Variants in HLA-DRA observed in about 807,000 individuals in gnomAD.
HLA-DRA encodes HLA class II histocompatibility antigen, DR alpha chain.
HLA-DRA carries 8 observed loss-of-function variants against 22.1 expected under a neutral mutation model. The observed-to-expected ratio is 0.36, with a 90% confidence interval of 0.21 to 0.65. The LOEUF is 0.65. Among genes scored for constraint, HLA-DRA ranks in the 30% least tolerant of loss-of-function variants. The probability of loss-of-function intolerance (pLI) is 0.63; values close to 1 mark genes in which losing one functional copy is unlikely to be tolerated. For missense variants in HLA-DRA, 248 were observed against 321.3 expected (o/e 0.77, Z 1.74); for synonymous variants, 101 against 117.1 (o/e 0.86, Z 0.89).
Position 32,442,597 on chromosome 6 carries a change from A to G in HLA-DRA, c.232A>G (p.Ser78Gly). 1.2e-6 allele frequency: 2 copies of G among 1,613,108 alleles called. No individual in the cohort carries two copies. The highest frequency in any genetic ancestry group is 1.7e-6 in the Non-Finnish European group (2 of 1,180,046). Residue 78 changes from serine to glycine, a missense_variant, in exon 2 of 5, where the codon AGC becomes GGC. Coordinates refer to ENST00000395388, the MANE Select transcript of HLA-DRA (RefSeq NM_019111.5). ...WRLEEFGRFASFEAQGALANI... is the reference protein window; with the variant it reads ...WRLEEFGRFAGFEAQGALANI... ...GCTTGAAGAATTTGGACGATTTGCC[A>G]GCTTTGAGGCTCAAGGTGCATTGGC...
At chr6:32,443,510 T>C (rs1256218125) in intron 3 of HLA-DRA, 44 bp downstream of exon 3, 2 of 1,547,712 alleles carry the variant, frequency 1.3e-6, no homozygotes, top group East Asian at 4.5e-5. Flanking sequence ...GGTTTCCTCC[T>C]ATGATGCTTG....
At chr6:32,440,386 A>C (rs1762542557) in intron 1 of HLA-DRA, among the ~76,000 whole-genome samples, 1 of 151,242 alleles carries the variant, frequency 6.6e-6, no homozygotes. Flanking sequence ...AAAATTAGTA[A>C]AATTAAAAAC....
At chr6:32,443,673 C>G in intron 3 of HLA-DRA, 83 bp from the exon 4 acceptor site, 4 of 1,349,896 alleles carry the variant, frequency 3.0e-6, no homozygotes, top group South Asian at 1.4e-5. Flanking sequence ...TAACTTTTCT[C>G]TTTATTAAGA....
At position 32,443,931 on chromosome 6, in the gene HLA-DRA, G is replaced by A. The variant is rs1396471188; in HGVS notation, c.*11+10G>A. The A allele has an allele frequency of 6.4e-7, 1 of 1,564,416 alleles. No homozygotes were observed. The highest frequency in any genetic ancestry group is 1.2e-5 in the South Asian group (1 of 80,610). ...TGTAAGGCACATGGAGGTGAGTTAG[G>A]TGTGGTCAGAGGAAGACGTATATGG... On this transcript the variant is annotated intron_variant, in intron 4 of 4. Transcript: ENST00000395388.
Position 32,443,482 on chromosome 6 carries a change from C to T in HLA-DRA, c.610+16C>T, listed in dbSNP as rs1330897270. On this transcript the variant is annotated intron_variant, in intron 3 of 4. Transcript: ENST00000395388. ...AAGCACTGGGGTATGGACCAACACT[C>T]AATCTCCTTTATTTCAAGGTTTCCT... is the stretch of plus-strand genomic sequence containing the variant. 6 of 1,604,422 alleles carry T rather than the reference C, an allele frequency of 3.7e-6. No individual in the cohort carries two copies. The highest frequency in any genetic ancestry group is 5.1e-6 in the Non-Finnish European group (6 of 1,172,968).
In HLA-DRA at chr6:32,444,794, A is replaced by T. The variant is rs7196; in HGVS notation, c.*154A>T. The T allele has an allele frequency of 0.77, 117,522 of 152,900 alleles. 45,328 individuals are homozygous for T. Among genetic ancestry groups the T allele is most frequent in the Middle Eastern group, 0.86 (893 of 1,040 alleles). 9.5% of individuals were successfully genotyped at this position (152,900 alleles called of 1,614,324 possible). A position where few individuals can be genotyped will look rare whatever the true frequency, so the allele number is the denominator to read the frequency against. ...AGCCCTATAGCCACCCCAAGTGTGG[A>T]TATGCCTCTTCGATTGCTCCGTACT... On this transcript the variant is annotated 3_prime_UTR_variant, in exon 5 of 5. Coordinates refer to ENST00000395388, the MANE Select transcript of HLA-DRA (RefSeq NM_019111.5).
In HLA-DRA at chr6:32,444,437, TGTA is replaced by T. The variant is rs1762805156; in HGVS notation, c.*12-211_*12-209del. 3.9e-5 allele frequency among the ~76,000 whole-genome samples: 6 copies of T among 152,246 alleles called. No homozygotes were observed. The South Asian group carries it at 1.2e-3, about 32-fold the overall frequency. On this transcript the variant is annotated intron_variant, in intron 4 of 4. Coordinates refer to ENST00000395388, the MANE Select transcript of HLA-DRA (RefSeq NM_019111.5). The stretch of plus-strand genomic sequence containing the variant: ...CTGCTTTTGCTTCTTTAGTCTCAAA[TGTA>T]GTATGAGAAACTCTAAAAAAAGGTA...
chr6:32,440,356 G>A (rs1423302932), intron 1 of HLA-DRA, among the ~76,000 whole-genome samples: 1 of 151,808 alleles, frequency 6.6e-6, no homozygotes, highest in Non-Finnish European at 1.5e-5. Context: ...ATATTTCTGG[G>A]CTTTAATTAT....
Position 32,443,264 on chromosome 6 carries a change from G to C in HLA-DRA, c.408G>C (p.Lys136Asn). Residue 136 changes from lysine to asparagine, a missense_variant, in exon 3 of 5, where the codon AAG (lysine) becomes AAC (asparagine). Lys to Asn is a moderately conservative substitution (Grantham distance 94). Transcript: ENST00000395388. ...ACGTCCTCATCTGTTTCATAGACAAGTTCACCCCACCAGTGGTCAATGTCA... is the reference window on the plus strand; with the variant it reads ...ACGTCCTCATCTGTTTCATAGACAACTTCACCCCACCAGTGGTCAATGTCA... ...EPNVLICFID[K>N]FTPPVVNVTW... 1 of 1,612,970 alleles carries C rather than the reference G, an allele frequency of 6.2e-7. No individual in the cohort carries two copies. The highest frequency in any genetic ancestry group is 8.5e-7 in the Non-Finnish European group (1 of 1,179,954).
chr6:32,443,129 G>A (rs963375431), intron 2 of HLA-DRA, 56 bp from the exon 3 acceptor site: 2 of 1,462,678 alleles, frequency 1.4e-6, no homozygotes, highest in Non-Finnish European at 1.9e-6. Context: ...GGAGGGAGAG[G>A]GGTGAGCCTA....
rs746475812 is a variant in HLA-DRA at position 32,443,852 on chromosome 6, T to C, written c.707T>C (p.Ile236Thr). The change falls in exon 4 of 5, where the codon ATC (isoleucine) becomes ACC (threonine). Residue 236 changes from isoleucine to threonine, a missense_variant. Coordinates refer to ENST00000395388, the MANE Select transcript of HLA-DRA (RefSeq NM_019111.5). ...CTGGTGGGCATCATTATTGGGACCA[T>C]CTTCATCATCAAGGGATTGCGCAAA... ...VGLVGIIIGT[I>T]FIIKGLRKSN... The C allele has an allele frequency of 2.2e-5, 36 of 1,611,522 alleles. No individual in the cohort carries two copies. In the African/African-American group the frequency reaches 3.6e-4, roughly 16 times the overall value.
Position 32,443,808 on chromosome 6 carries a change from C to A in HLA-DRA, c.663C>A (p.Ala221=). The A allele has an allele frequency of 6.2e-7, 1 of 1,612,124 alleles. No homozygotes were observed. The highest frequency in any genetic ancestry group is 2.2e-5 in the East Asian group (1 of 44,862). Residue 221 remains alanine, a synonymous_variant, in exon 4 of 5, where the codon GCC becomes GCA. Coordinates refer to ENST00000395388, the MANE Select transcript of HLA-DRA (RefSeq NM_019111.5). The part of the protein sequence containing the change: ...LPETTENVVC[A]LGLTVGLVGI... ...AGACTACAGAGAACGTGGTGTGTGC[C>A]CTGGGCCTGACTGTGGGTCTGGTGG... is the stretch of plus-strand genomic sequence containing the variant.
chr6:32,444,179 T>G (rs569226490), intron 4 of HLA-DRA, among the ~76,000 whole-genome samples: 3 of 152,014 alleles, frequency 2.0e-5, no homozygotes, highest in Admixed American at 6.5e-5. Flanking sequence ...AAACCATTGT[T>G]TCACATTAGA....
rs1762823844 is a variant in HLA-DRA at position 32,444,750 on chromosome 6, GTCA to G, written c.*113_*115del. The G allele has an allele frequency of 6.6e-6, 1 of 152,298 alleles. No homozygotes were observed. The highest frequency in any genetic ancestry group is 2.4e-5 in the African/African-American group (1 of 41,448). 9.4% of individuals were successfully genotyped at this position (152,298 alleles called of 1,614,324 possible). ...ACAATCCTTGACCTCAGTGAAAGCA[GTCA>G]TCTTCAGCATTTTCCAGCCCTATAG... On this transcript the variant is annotated 3_prime_UTR_variant, in exon 5 of 5. Transcript: ENST00000395388.
In HLA-DRA at chr6:32,443,207, C is replaced by T; in HGVS notation, c.351C>T (p.Leu117=). 1.2e-6 allele frequency: 2 copies of T among 1,612,616 alleles called. No individual in the cohort carries two copies. The highest frequency in any genetic ancestry group is 1.7e-6 in the Non-Finnish European group (2 of 1,179,642). Reference sequence around the variant, plus strand: ...CAGTACCTCCAGAGGTAACTGTGCTCACAAACAGCCCTGTGGAACTGAGAG... The same window carrying T: ...CAGTACCTCCAGAGGTAACTGTGCTTACAAACAGCCCTGTGGAACTGAGAG... ...ITNVPPEVTV[L]TNSPVELREP... The change falls in exon 3 of 5, where the codon CTC becomes CTT. Residue 117 remains leucine (L), a synonymous_variant. Coordinates refer to ENST00000395388, the MANE Select transcript of HLA-DRA (RefSeq NM_019111.5).
In HLA-DRA at chr6:32,442,470, C is replaced by T. The variant is rs773509597; in HGVS notation, c.105C>T (p.Ala35=). 15 of 1,612,876 alleles carry T rather than the reference C, an allele frequency of 9.3e-6. No homozygotes were observed. Among genetic ancestry groups the T allele is most frequent in the Admixed American group, 5.0e-5 (3 of 60,002 alleles). ...AIKEEHVIIQ[A]EFYLNPDQSG... is the part of the protein sequence containing the mutation. The stretch of plus-strand genomic sequence containing the variant: ...CAGAAGAACATGTGATCATCCAGGC[C>T]GAGTTCTATCTGAATCCTGACCAAT... Residue 35 remains alanine (A), a synonymous_variant, in exon 2 of 5, where the codon GCC becomes GCT. Transcript: ENST00000395388.
At position 32,443,800 on chromosome 6, in the gene HLA-DRA, G is replaced by A. The variant is rs1329788991; in HGVS notation, c.655G>A (p.Val219Met). ...SPLPETTENV[V>M]CALGLTVGLV... Reference sequence around the variant, plus strand: ...TCTCCCAGAGACTACAGAGAACGTGGTGTGTGCCCTGGGCCTGACTGTGGG... The same window carrying A: ...TCTCCCAGAGACTACAGAGAACGTGATGTGTGCCCTGGGCCTGACTGTGGG... Residue 219 changes from valine (V) to methionine (M), a missense_variant, in exon 4 of 5, where the codon GTG becomes ATG. Physicochemically the swap from Val to Met is conservative, Grantham distance 21 (BLOSUM62 1). Transcript: ENST00000395388. 6.2e-7 allele frequency: 1 copy of A among 1,611,608 alleles called. No homozygotes were observed.
chr6:32,440,557 T>C (rs1762554612), intron 1 of HLA-DRA, among the ~76,000 whole-genome samples: 1 of 152,108 alleles, frequency 6.6e-6, no homozygotes, highest in African/African-American at 2.4e-5. Flanking sequence ...GAAGGAAAAG[T>C]CATCAAAAAG....
In HLA-DRA at chr6:32,443,854, TTCA is replaced by T; in HGVS notation, c.716_718del (p.Ile239del). 1 of 1,612,048 alleles carries T rather than the reference TTCA, an allele frequency of 6.2e-7. No individual in the cohort carries two copies. The highest frequency in any genetic ancestry group is 8.5e-7 in the Non-Finnish European group (1 of 1,179,586). ...GGTGGGCATCATTATTGGGACCATC[TTCA>T]TCATCAAGGGATTGCGCAAAAGCAA... On this transcript the variant is annotated inframe_deletion, in exon 4 of 5. Transcript: ENST00000395388.
Sources: allele counts gnomAD v4.1 joint callset (sites outside exome capture counted in the v4.1 genomes callset), GRCh38; gene constraint gnomAD v4.1.1; transcripts MANE v1.5; gene names NCBI Gene and HGNC (gene_info 2026-07-23, HGNC 2026-07-21).